The following SARDH variants were observed in gnomAD, a reference collection of about 807,000 sequenced individuals.
SARDH encodes the protein sarcosine dehydrogenase, mitochondrial.
Under a neutral mutation model 109.1 loss-of-function variants are expected in SARDH, and 95 were observed. The observed-to-expected ratio is 0.87, with a 90% CI of 0.74 to 1.03. The LOEUF is 1.03. Among genes scored for constraint, SARDH ranks in the 50% least tolerant of loss-of-function variants. The probability of loss-of-function intolerance (pLI) is 0.00; values close to 1 mark genes in which losing one functional copy is unlikely to be tolerated. For synonymous variants in SARDH, 572 were observed against 534.8 expected (o/e 1.07, Z -0.96); for missense variants, 1,267 against 1,287.8 (o/e 0.98, Z 0.25).
intron 17 of SARDH, among the ~76,000 whole-genome samples, chr9:133,678,516 T>A (rs567428393): frequency 1.1e-4 from 16 of 152,196 alleles, no homozygotes; most frequent in Admixed American, 3.9e-4. Context: ...CTTCCCCACT[T>A]TTCTGGGGAG....
intron 20 of SARDH, 142 bp from the exon 21 acceptor site, chr9:133,664,156 G>T: frequency 8.7e-7 from 1 of 1,143,980 alleles, no homozygotes; most frequent in Non-Finnish European, 1.2e-6. Context: ...ACTCCTTTCT[G>T]AACCCAGGCA....
At chr9:133,737,756 G>A (rs1474851609) in intron 1 of SARDH, among the ~76,000 whole-genome samples, 3 of 152,194 alleles carry the variant, frequency 2.0e-5, no homozygotes, top group East Asian at 1.9e-4. Context: ...AGCGGGGACA[G>A]CCCAGAGCCC....
intron 17 of SARDH, among the ~76,000 whole-genome samples, chr9:133,681,191 G>GC (rs1830682877): frequency 6.6e-6 from 1 of 152,200 alleles, no homozygotes; most frequent in African/African-American, 2.4e-5. Context: ...TCAGGATGGG[G>GC]CCCACAGGGA....
Position 133,671,626 on chromosome 9 carries a change from C to A in SARDH, c.2235G>T (p.Val745=), listed in dbSNP as rs978808997. 2 of 1,601,050 alleles carry A rather than the reference C, an allele frequency of 1.2e-6. No individual in the cohort carries two copies. The highest frequency in any genetic ancestry group is 2.7e-5 in the African/African-American group (2 of 74,678). ...CGGCCATCACAGCCCGGTACACAGG[C>A]ACGCAGGACGCCTTTGGAATGTGCA... The part of the protein sequence containing the change: ...WELHIPKASC[V]PVYRAVMAAG... The change falls in exon 18 of 21, where the codon GTG becomes GTT. Residue 745 remains valine, a synonymous_variant. Coordinates refer to ENST00000439388, the MANE Select transcript of SARDH (RefSeq NM_001134707.2).
At position 133,696,253 on chromosome 9, in the gene SARDH, G is replaced by A. The variant is rs1831283953; in HGVS notation, c.1777C>T (p.Leu593Phe). 2.5e-6 allele frequency: 4 copies of A among 1,613,992 alleles called. No individual in the cohort carries two copies. The East Asian group carries it at 8.9e-5, about 36-fold the overall frequency. ...GLDARKAADW[L>F]FSADVSRPPG... ...GGTCGGCTGACATCTGCGGAGAAGA[G>A]CCAGTCGGCAGCCTTCCTTGCATCC... is the stretch of plus-strand genomic sequence containing the variant. Residue 593 changes from leucine to phenylalanine, a missense_variant, in exon 14 of 21, where the codon CTC becomes TTC. By Grantham distance (22) the Leu-to-Phe change is conservative (BLOSUM62 0). Transcript: ENST00000439388.
intron 17 of SARDH, among the ~76,000 whole-genome samples, chr9:133,672,536 G>T (rs1830385967): frequency 6.6e-6 from 1 of 152,196 alleles, no homozygotes; most frequent in Non-Finnish European, 1.5e-5. Flanking sequence ...CAGCAGCCCA[G>T]CTCAGGGGAC....
chr9:133,701,707 G>A (rs1408437648), intron 13 of SARDH, among the ~76,000 whole-genome samples: 5 of 152,202 alleles, frequency 3.3e-5, no homozygotes, highest in African/African-American at 1.2e-4. Context: ...CACTGAGCCG[G>A]CCCTGCTGCT....
intron 8 of SARDH, 22 bp downstream of exon 8, chr9:133,717,304 C>A (rs2131463425): frequency 6.2e-7 from 1 of 1,613,436 alleles, no homozygotes; most frequent in East Asian, 2.2e-5. Flanking sequence ...ACGCCCACCC[C>A]AGCTCCGAGG....
At chr9:133,713,255 GCCCTGCTCA>G in intron 8 of SARDH, 131 bp from the exon 9 acceptor site, 2 of 702,938 alleles carry the variant, frequency 2.8e-6, no homozygotes, top group South Asian at 1.8e-5. Context: ...CCTCCTCTAG[GCCCTGCTCA>G]GCGCCACTTC....
intron 17 of SARDH, among the ~76,000 whole-genome samples, chr9:133,682,547 C>G (rs933097971): frequency 2.0e-5 from 3 of 152,230 alleles, no homozygotes; most frequent in African/African-American, 7.2e-5. Context: ...ACGAGACCTG[C>G]CCACAGACCC....
intron 18 of SARDH, among the ~76,000 whole-genome samples, chr9:133,671,224 C>G (rs1217458872): frequency 1.3e-5 from 2 of 152,108 alleles, no homozygotes; most frequent in Non-Finnish European, 2.9e-5. Flanking sequence ...GCCCTCAATT[C>G]CAACCCAGCC....
At chr9:133,703,862 A>G (rs969027664) in intron 12 of SARDH, among the ~76,000 whole-genome samples, 8 of 152,180 alleles carry the variant, frequency 5.3e-5, no homozygotes, top group Non-Finnish European at 1.0e-4. Flanking sequence ...CCTCCCCAGC[A>G]GGGACATCCC....
Position 133,666,627 on chromosome 9 carries a change from C to G in SARDH, c.2631+108G>C. The G allele has an allele frequency of 6.3e-6, 9 of 1,432,016 alleles. No individual in the cohort carries two copies. Among genetic ancestry groups the G allele is most frequent in the Non-Finnish European group, 8.5e-6 (9 of 1,052,860 alleles). 88.7% of individuals were successfully genotyped at this position (1,432,016 alleles called of 1,614,324 possible). ...CCCTCCTCCTCTTCTGGACCACACCCGTGCCTCCTCCCTATGCCCGGCACA... is the reference window on the plus strand; with the variant it reads ...CCCTCCTCCTCTTCTGGACCACACCGGTGCCTCCTCCCTATGCCCGGCACA... On this transcript the variant is annotated intron_variant, in intron 20 of 20. Transcript: ENST00000439388. The surrounding 1 kb of genome is among the most constrained non-coding windows in gnomAD (Gnocchi z 5.2).
chr9:133,714,730 A>G (rs981478377), intron 8 of SARDH, among the ~76,000 whole-genome samples: 5 of 152,114 alleles, frequency 3.3e-5, no homozygotes, highest in Middle Eastern at 3.2e-3. Context: ...CAGGGAGCCA[A>G]AATCGCACCA....
intron 12 of SARDH, chr9:133,703,536 G>A (rs1831572047): frequency 1.3e-5 from 2 of 158,648 alleles, no homozygotes; most frequent in South Asian, 3.7e-4. Flanking sequence ...AGCCAGGCAG[G>A]TGCGTGGGCT....
At position 133,675,943 on chromosome 9, in the gene SARDH, A is replaced by G. The variant is rs374001918; in HGVS notation, c.2164-4246T>C. On this transcript the variant is annotated intron_variant, in intron 17 of 20. Transcript: ENST00000439388. ...CTGTCTCTACAAAAAAAATTTTAGAATTAGCTGGGTTTGGTGGCATGTGCC... is the reference window on the plus strand; with the variant it reads ...CTGTCTCTACAAAAAAAATTTTAGAGTTAGCTGGGTTTGGTGGCATGTGCC... Among the ~76,000 whole-genome samples, 47 of 152,238 alleles carry G rather than the reference A, an allele frequency of 3.1e-4. No individual in the cohort carries two copies. The South Asian group carries it at 7.1e-3, about 23-fold the overall frequency.
At chr9:133,683,295 C>A (rs1209221612) in intron 17 of SARDH, among the ~76,000 whole-genome samples, 1 of 152,144 alleles carries the variant, frequency 6.6e-6, no homozygotes, top group Non-Finnish European at 1.5e-5. Flanking sequence ...CGGGTGGGGG[C>A]AAGGCTGCTG....
intron 3 of SARDH, 100 bp downstream of exon 3, chr9:133,732,323 C>G: frequency 9.9e-7 from 1 of 1,012,620 alleles, no homozygotes; most frequent in Non-Finnish European, 1.4e-6. Flanking sequence ...GGGAGCCCAC[C>G]CTACCCCCCC....
chr9:133,735,256 G>A (rs1832843883), intron 1 of SARDH, among the ~76,000 whole-genome samples: 1 of 152,190 alleles, frequency 6.6e-6, no homozygotes, highest in African/African-American at 2.4e-5. Context: ...AGGATGTGGT[G>A]TCCCGGCTCT....
Sources: allele counts gnomAD v4.1 joint callset (sites outside exome capture counted in the v4.1 genomes callset), GRCh38; gene constraint gnomAD v4.1.1; non-coding constraint Gnocchi (gnomAD v3.1); transcripts MANE v1.5; gene names NCBI Gene and HGNC (gene_info 2026-07-23, HGNC 2026-07-21).